The following SLC5A4 variants were observed in gnomAD, a reference collection of about 807,000 sequenced individuals.
SLC5A4 encodes solute carrier family 5 member 4.
A neutral mutation model predicts 70.3 loss-of-function variants in SLC5A4; 55 were observed. The observed-to-expected ratio is 0.78, with a 90% CI of 0.63 to 0.98. The LOEUF is 0.98. Among genes scored for constraint, SLC5A4 ranks in the 50% least tolerant of loss-of-function variants. The pLI is 0.00. For synonymous variants in SLC5A4, 268 were observed against 305.7 expected (o/e 0.88, Z 1.29); for missense variants, 735 against 839.2 (o/e 0.88, Z 1.53).
the SLC5A4 span, among the ~76,000 whole-genome samples, chr22:32,324,537 G>C: frequency 0.12 from 17,735 of 152,114 alleles, 1,407 homozygotes; most frequent in Non-Finnish European, 0.18. Context: ...TCTCCACCTA[G>C]AAAACTCCTA....
At chr22:32,295,078 G>T in the SLC5A4 span, among the ~76,000 whole-genome samples, 1 of 99,942 alleles carries the variant, frequency 1.0e-5, no homozygotes, top group Non-Finnish European at 2.1e-5. Context: ...TGGACATTTG[G>T]GTTGGTTCCA....
intron 5 of SLC5A4, among the ~76,000 whole-genome samples, chr22:32,247,060 GA>G (rs1926871667): frequency 6.6e-6 from 1 of 152,176 alleles, no homozygotes; most frequent in Non-Finnish European, 1.5e-5. Flanking sequence ...TCTTGCAATG[GA>G]AAAGGCAGGC....
the SLC5A4 span, chr22:32,270,192 C>T: frequency 9.0e-6 from 6 of 666,744 alleles, no homozygotes; most frequent in East Asian, 3.0e-5. Context: ...GGCCACCTAC[C>T]TTTGAGGTGT....
chr22:32,341,391 T>G, the SLC5A4 span, among the ~76,000 whole-genome samples: 1 of 152,128 alleles, frequency 6.6e-6, no homozygotes, highest in South Asian at 2.1e-4. Flanking sequence ...GGCTCCCCAG[T>G]TCCCCTCAGC....
chr22:32,319,991 C>T, the SLC5A4 span, among the ~76,000 whole-genome samples: 3 of 151,956 alleles, frequency 2.0e-5, no homozygotes, highest in African/African-American at 7.3e-5. Flanking sequence ...AGGAAGCCTC[C>T]AAGAAATGGA....
At chr22:32,327,108 C>T in the SLC5A4 span, 3,626 of 152,346 alleles carry the variant, frequency 0.024, 146 homozygotes, top group African/African-American at 0.084. Context: ...ACAGCAGCTA[C>T]GGGACACTCA....
intron 4 of SLC5A4, 138 bp downstream of exon 4, chr22:32,248,603 TGA>T: frequency 1.5e-6 from 1 of 661,230 alleles, no homozygotes; most frequent in Non-Finnish European, 2.7e-6. Flanking sequence ...GATTTGAGAC[TGA>T]GCTCCCATCT....
At chr22:32,291,693 C>A in the SLC5A4 span, among the ~76,000 whole-genome samples, 73,401 of 151,768 alleles carry the variant, frequency 0.48, 17,877 homozygotes, top group Admixed American at 0.52. Flanking sequence ...TCTGAATCAC[C>A]TAAGTTTTAA....
At chr22:32,270,537 C>G in the SLC5A4 span, 1 of 716,054 alleles carries the variant, frequency 1.4e-6, no homozygotes, top group Non-Finnish European at 2.6e-6. Context: ...TGATTCTGAG[C>G]CAGGAAGACT....
At chr22:32,274,732 C>T in the SLC5A4 span, among the ~76,000 whole-genome samples, 1 of 152,154 alleles carries the variant, frequency 6.6e-6, no homozygotes, top group Non-Finnish European at 1.5e-5. Context: ...TTAAGTTTAT[C>T]TTAAAAAGAC....
At chr22:32,304,298 G>C in the SLC5A4 span, among the ~76,000 whole-genome samples, 1 of 151,702 alleles carries the variant, frequency 6.6e-6, no homozygotes, top group Non-Finnish European at 1.5e-5. Flanking sequence ...GGCTATTTTT[G>C]TGGGGTTTTT....
the SLC5A4 span, among the ~76,000 whole-genome samples, chr22:32,324,438 C>T: frequency 6.6e-6 from 1 of 152,124 alleles, no homozygotes; most frequent in African/African-American, 2.4e-5. Context: ...AGGACTCTTA[C>T]CGCTTTCAGT....
the SLC5A4 span, among the ~76,000 whole-genome samples, chr22:32,324,006 C>T: frequency 6.6e-6 from 1 of 152,162 alleles, no homozygotes; most frequent in African/African-American, 2.4e-5. Flanking sequence ...TTCCCCAGAG[C>T]GGTGTCCCTG....
At chr22:32,273,803 A>G in the SLC5A4 span, among the ~76,000 whole-genome samples, 1 of 138,614 alleles carries the variant, frequency 7.2e-6, no homozygotes, top group Non-Finnish European at 1.5e-5. Context: ...AAGCAAACAA[A>G]AACAAACAAA....
At chr22:32,334,912 G>A in the SLC5A4 span, among the ~76,000 whole-genome samples, 1 of 152,228 alleles carries the variant, frequency 6.6e-6, no homozygotes, top group Admixed American at 6.5e-5. Context: ...TTTATGATAA[G>A]GACTTGAGTT....
the SLC5A4 span, among the ~76,000 whole-genome samples, chr22:32,280,624 C>T: frequency 1.3e-5 from 2 of 152,322 alleles, no homozygotes; most frequent in Admixed American, 1.3e-4. Flanking sequence ...CCACTGAGGG[C>T]AGGGACTCTG....
chr22:32,294,311 T>C, the SLC5A4 span, among the ~76,000 whole-genome samples: 1 of 152,218 alleles, frequency 6.6e-6, no homozygotes, highest in Non-Finnish European at 1.5e-5. Context: ...TAATTATCTC[T>C]CCAGTTGTAT....
chr22:32,239,668 T>C (rs1478992406), intron 5 of SLC5A4, among the ~76,000 whole-genome samples: 1 of 138,660 alleles, frequency 7.2e-6, no homozygotes, highest in African/African-American at 2.6e-5. Context: ...TTATGTACTA[T>C]AAAATTTATT....
chr22:32,270,127 A>G, the SLC5A4 span: 1 of 566,292 alleles, frequency 1.8e-6, no homozygotes, highest in Admixed American at 2.3e-5. Context: ...GTGTCACAGG[A>G]CGACATGGAC....
Sources: allele counts gnomAD v4.1 joint callset (sites outside exome capture counted in the v4.1 genomes callset), GRCh38; gene constraint gnomAD v4.1.1; transcripts MANE v1.5; gene names NCBI Gene and HGNC (gene_info 2026-07-23, HGNC 2026-07-21).